The following MYRIP variants were observed in gnomAD, a reference collection of about 807,000 sequenced individuals.
MYRIP encodes the protein rab effector MyRIP.
MYRIP carries 49 observed loss-of-function variants against 98.0 expected under a neutral mutation model. That is an observed-to-expected ratio of 0.50 (90% CI 0.40 to 0.63). MYRIP has a LOEUF of 0.63. Ranked by LOEUF, MYRIP falls within the 30% of genes least tolerant of loss-of-function variation. The pLI is 0.00. For synonymous variants in MYRIP, 404 were observed against 409.5 expected, an observed-to-expected ratio of 0.99 and a Z score of 0.16; for missense variants, 1,004 against 1,058.2, an observed-to-expected ratio of 0.95 and a Z score of 0.71.
At chr3:40,207,788 G>C (rs577595860) in intron 10 of MYRIP, among the ~76,000 whole-genome samples, 1 of 152,248 alleles carries the variant, frequency 6.6e-6, no homozygotes, top group South Asian at 2.1e-4. Flanking sequence ...ATCAATTCTT[G>C]AGCTTGAGAA....
At chr3:39,965,813 A>T (rs1418165258) in intron 2 of MYRIP, among the ~76,000 whole-genome samples, 2 of 152,190 alleles carry the variant, frequency 1.3e-5, no homozygotes, top group Admixed American at 1.3e-4. Context: ...TGGGGAGTGT[A>T]GCCTAGCCAG....
chr3:39,985,042 T>C (rs1404298490), intron 2 of MYRIP, among the ~76,000 whole-genome samples: 1 of 131,464 alleles, frequency 7.6e-6, no homozygotes, highest in East Asian at 2.0e-4. Flanking sequence ...GAAGTGTCTG[T>C]TCATGTCCTT....
intron 2 of MYRIP, among the ~76,000 whole-genome samples, chr3:39,918,245 C>T (rs1944215764): frequency 6.6e-6 from 1 of 152,184 alleles, no homozygotes. Context: ...TCTATATTCC[C>T]AAGGAGGCCA....
chr3:40,223,358 AAATTT>A (rs1178341130), intron 11 of MYRIP, among the ~76,000 whole-genome samples: 1 of 152,256 alleles, frequency 6.6e-6, no homozygotes, highest in Non-Finnish European at 1.5e-5. Context: ...TACAGTAATT[AAATTT>A]GTGAGCTACT....
intron 2 of MYRIP, among the ~76,000 whole-genome samples, chr3:39,996,348 C>G (rs57033187): frequency 6.6e-6 from 1 of 151,930 alleles, no homozygotes; most frequent in Non-Finnish European, 1.5e-5. Flanking sequence ...ATCTACCAAG[C>G]AAATGGAAAA....
At chr3:40,178,391 G>A (rs1051457618) in intron 8 of MYRIP, among the ~76,000 whole-genome samples, 1 of 152,186 alleles carries the variant, frequency 6.6e-6, no homozygotes, top group South Asian at 2.1e-4. Flanking sequence ...AAGTCCTGCT[G>A]GGCTGGGGCA....
At chr3:40,247,476 A>G (rs1419224875) in intron 13 of MYRIP, among the ~76,000 whole-genome samples, 1 of 152,134 alleles carries the variant, frequency 6.6e-6, no homozygotes, top group Non-Finnish European at 1.5e-5. Flanking sequence ...ATACCTAGAA[A>G]GTGATAAAAC....
At chr3:40,249,573 AG>A (rs1486814769) in intron 13 of MYRIP, among the ~76,000 whole-genome samples, 1 of 152,204 alleles carries the variant, frequency 6.6e-6, no homozygotes, top group African/African-American at 2.4e-5. Context: ...TTCTGGAGAC[AG>A]GGGAGGACCA....
chr3:39,949,935 G>T (rs936681382), intron 2 of MYRIP, among the ~76,000 whole-genome samples: 2 of 152,118 alleles, frequency 1.3e-5, no homozygotes, highest in Admixed American at 6.6e-5. Context: ...GAAGAGGTCT[G>T]ATTTTTCTAC....
At chr3:40,031,765 T>C (rs1947266967) in intron 2 of MYRIP, among the ~76,000 whole-genome samples, 1 of 152,148 alleles carries the variant, frequency 6.6e-6, no homozygotes, top group Non-Finnish European at 1.5e-5. Context: ...GATTTTCTAG[T>C]TTATTTGCGT....
intron 3 of MYRIP, among the ~76,000 whole-genome samples, chr3:40,140,188 T>A (rs1244487009): frequency 6.6e-6 from 1 of 152,222 alleles, no homozygotes; most frequent in Non-Finnish European, 1.5e-5. Context: ...ACAATGGAAT[T>A]ACTGTACTGT....
At chr3:40,215,833 T>C (rs545732491) in intron 11 of MYRIP, among the ~76,000 whole-genome samples, 14 of 152,312 alleles carry the variant, frequency 9.2e-5, no homozygotes, top group Middle Eastern at 6.8e-3. Context: ...CTTATGCCTA[T>C]TGAGGAATTA....
rs1322098483 is a variant in MYRIP at position 39,846,426 on chromosome 3, G to T, written c.-31+36510G>T. 2.0e-5 allele frequency among the ~76,000 whole-genome samples: 3 copies of T among 151,684 alleles called. No individual in the cohort carries two copies. In the East Asian group the frequency reaches 5.8e-4, roughly 29 times the overall value. ...CCTTTTCCCTATGAGGGCTGTGAAG[G>T]TTGATCATCAGCAGTATCCCCTGGA... On this transcript the variant is annotated intron_variant, in intron 1 of 16. Transcript: ENST00000302541.
chr3:40,139,216 TC>T (rs1197949143), intron 3 of MYRIP, among the ~76,000 whole-genome samples: 1 of 152,216 alleles, frequency 6.6e-6, no homozygotes, highest in Non-Finnish European at 1.5e-5. Context: ...TTGTATTACA[TC>T]TATTTTTAAA....
intron 2 of MYRIP, among the ~76,000 whole-genome samples, chr3:39,994,633 G>C (rs953713857): frequency 2.0e-5 from 3 of 152,198 alleles, no homozygotes; most frequent in African/African-American, 7.2e-5. Flanking sequence ...CCAAACAAAA[G>C]GCACCAGAAA....
At chr3:40,163,089 T>C (rs2125590591) in intron 5 of MYRIP, 2 of 307,086 alleles carry the variant, frequency 6.5e-6, no homozygotes, top group East Asian at 1.3e-4. Flanking sequence ...AGTTGGAACA[T>C]ATCAATCAAT....
In MYRIP at chr3:40,033,517, C is replaced by A. The variant is rs558026665; in HGVS notation, c.111-10533C>A. Among the ~76,000 whole-genome samples the A allele has an allele frequency of 5.9e-4, 90 of 152,100 alleles. 1 individual carries two copies. Among genetic ancestry groups the A allele is most frequent in the African/African-American group, 1.9e-3 (80 of 41,502 alleles). On this transcript the variant is annotated intron_variant, in intron 2 of 16. Transcript: ENST00000302541. ...ACCTAGGAATCCAACTAACAACGGA[C>A]GTGAAGGACCTCTTCAAGGAGAACT...
chr3:40,119,733 A>G (rs1394348999), intron 3 of MYRIP, among the ~76,000 whole-genome samples: 3 of 151,346 alleles, frequency 2.0e-5, no homozygotes, highest in African/African-American at 7.4e-5. Flanking sequence ...ACACCTGGAC[A>G]CAGGAAGGGG....
intron 2 of MYRIP, among the ~76,000 whole-genome samples, chr3:40,011,964 A>G (rs925814730): frequency 6.6e-6 from 1 of 152,246 alleles, no homozygotes; most frequent in Non-Finnish European, 1.5e-5. Flanking sequence ...TTACTTATAC[A>G]TCATAATATA....
Sources: allele counts gnomAD v4.1 joint callset (sites outside exome capture counted in the v4.1 genomes callset), GRCh38; gene constraint gnomAD v4.1.1; transcripts MANE v1.5; gene names NCBI Gene and HGNC (gene_info 2026-07-23, HGNC 2026-07-21).